The following SLC24A2 variants were observed in gnomAD, a reference collection of about 807,000 sequenced individuals.
SLC24A2 encodes solute carrier family 24 member 2.
Under a neutral mutation model 62.0 loss-of-function variants are expected in SLC24A2, and 36 were observed. The ratio of observed to expected loss-of-function variants is 0.58; its 90% CI spans 0.44 to 0.77. The LOEUF (loss-of-function observed/expected upper bound fraction) is 0.77, where lower values mean the gene tolerates loss of function less well. SLC24A2 is among the 30% of genes least tolerant of loss of function. SLC24A2 has a pLI of 0.00. For synonymous variants in SLC24A2, 358 were observed against 294.0 expected, an observed-to-expected ratio of 1.22 and a Z score of -2.23; for missense variants, 846 against 817.9, an observed-to-expected ratio of 1.03 and a Z score of -0.42.
the SLC24A2 span, among the ~76,000 whole-genome samples, chr9:20,023,183 G>A: frequency 2.6e-5 from 4 of 152,320 alleles, no homozygotes; most frequent in East Asian, 5.8e-4. Flanking sequence ...ATGTGAGTGA[G>A]TACATGGAAA....
the SLC24A2 span, among the ~76,000 whole-genome samples, chr9:19,797,763 G>T: frequency 6.6e-6 from 1 of 152,172 alleles, no homozygotes; most frequent in African/African-American, 2.4e-5. Flanking sequence ...TGATGTCCTA[G>T]AACAACTCTG....
intron 7 of SLC24A2, among the ~76,000 whole-genome samples, chr9:19,553,972 A>G (rs1239666130): frequency 6.6e-6 from 1 of 151,946 alleles, no homozygotes; most frequent in African/African-American, 2.4e-5. Context: ...ACCCAAATTC[A>G]TATGTTGAAG....
At chr9:19,828,021 AT>A in the SLC24A2 span, among the ~76,000 whole-genome samples, 63 of 152,292 alleles carry the variant, frequency 4.1e-4, 1 homozygote, top group African/African-American at 1.5e-3. Context: ...CGAGGGATTA[AT>A]TTTTAACAAC....
At chr9:19,895,806 T>C in the SLC24A2 span, 1 of 1,597,164 alleles carries the variant, frequency 6.3e-7, no homozygotes, top group Middle Eastern at 1.7e-4. Context: ...GTCATCTGCT[T>C]GGGTTGCAGC....
At chr9:20,223,803 C>T in the SLC24A2 span, among the ~76,000 whole-genome samples, 2 of 151,946 alleles carry the variant, frequency 1.3e-5, no homozygotes, top group African/African-American at 2.4e-5. Flanking sequence ...AAATTATGTA[C>T]CTGTATTAGT....
At chr9:20,141,514 A>G in the SLC24A2 span, among the ~76,000 whole-genome samples, 2 of 151,954 alleles carry the variant, frequency 1.3e-5, no homozygotes, top group Admixed American at 1.3e-4. Flanking sequence ...GTCTTCTGCT[A>G]CCAGCTGACG....
the SLC24A2 span, among the ~76,000 whole-genome samples, chr9:20,085,038 T>C: frequency 6.6e-6 from 1 of 152,190 alleles, no homozygotes; most frequent in African/African-American, 2.4e-5. Context: ...CTCTGTCACC[T>C]AGCCTGGAGT....
chr9:19,715,309 C>A (rs765298399), intron 2 of SLC24A2, among the ~76,000 whole-genome samples: 2 of 152,282 alleles, frequency 1.3e-5, no homozygotes, highest in African/African-American at 2.4e-5. Context: ...AGTTGATACA[C>A]TGACAGGCAG....
intron 4 of SLC24A2, among the ~76,000 whole-genome samples, chr9:19,600,124 C>A (rs986908807): frequency 6.6e-6 from 1 of 152,158 alleles, no homozygotes; most frequent in Non-Finnish European, 1.5e-5. Context: ...CCACCTGGTG[C>A]CTCTTCTCTA....
At chr9:20,242,003 T>C in the SLC24A2 span, among the ~76,000 whole-genome samples, 1 of 152,238 alleles carries the variant, frequency 6.6e-6, no homozygotes, top group African/African-American at 2.4e-5. Context: ...TCTAATGACC[T>C]GCCAGCCTCA....
chr9:20,056,191 C>G, the SLC24A2 span, among the ~76,000 whole-genome samples: 5 of 152,020 alleles, frequency 3.3e-5, no homozygotes, highest in Non-Finnish European at 7.4e-5. Flanking sequence ...ATCCATTTTT[C>G]CCAAGAAACA....
At chr9:19,831,778 G>A in the SLC24A2 span, among the ~76,000 whole-genome samples, 1 of 152,170 alleles carries the variant, frequency 6.6e-6, no homozygotes, top group Non-Finnish European at 1.5e-5. Flanking sequence ...CTGAAACAAT[G>A]TTATTGCTTT....
chr9:20,053,274 G>A, the SLC24A2 span, among the ~76,000 whole-genome samples: 1 of 152,064 alleles, frequency 6.6e-6, no homozygotes, highest in African/African-American at 2.4e-5. Context: ...ACTCTGCCTT[G>A]CCTGTGCTAC....
At chr9:20,017,389 T>G in the SLC24A2 span, among the ~76,000 whole-genome samples, 1 of 152,188 alleles carries the variant, frequency 6.6e-6, no homozygotes, top group Non-Finnish European at 1.5e-5. Flanking sequence ...TTTTCTATTT[T>G]TTGGCACAAA....
Position 19,741,415 on chromosome 9 carries a change from T to C in SLC24A2, c.930+44522A>G, listed in dbSNP as rs180735126. ...TCGTCCCAGAGGTTGCATTGCCTTCTCTTCACAGCAGGTGAATTCAATGGC... is the reference window on the plus strand; with the variant it reads ...TCGTCCCAGAGGTTGCATTGCCTTCCCTTCACAGCAGGTGAATTCAATGGC... On this transcript the variant is annotated intron_variant, in intron 2 of 10. Transcript: ENST00000341998. Among the ~76,000 whole-genome samples the C allele has an allele frequency of 2.0e-5, 3 of 152,354 alleles. No homozygotes were observed. The East Asian group carries it at 5.8e-4, about 29-fold the overall frequency.
At chr9:19,916,213 C>T in the SLC24A2 span, among the ~76,000 whole-genome samples, 45 of 152,052 alleles carry the variant, frequency 3.0e-4, no homozygotes, top group South Asian at 8.5e-3. Flanking sequence ...ATTTATTGAC[C>T]ATACATGTAT....
upstream of SLC24A2, among the ~76,000 whole-genome samples, chr9:19,790,929 G>A (rs1411504716): frequency 2.0e-5 from 3 of 152,170 alleles, no homozygotes; most frequent in Admixed American, 1.3e-4. Context: ...CTACAGCTCA[G>A]AGATGACCCT....
intron 2 of SLC24A2, among the ~76,000 whole-genome samples, chr9:19,715,717 A>T (rs545710881): frequency 6.6e-6 from 1 of 152,232 alleles, no homozygotes; most frequent in Non-Finnish European, 1.5e-5. Context: ...TTATAAATGC[A>T]TTCTCTTGAA....
At chr9:19,873,195 T>TCCTCCCTTCCTCCCTC in the SLC24A2 span, among the ~76,000 whole-genome samples, 1 of 151,110 alleles carries the variant, frequency 6.6e-6, no homozygotes, top group African/African-American at 2.4e-5. Flanking sequence ...CTTCCTCCCT[T>TCCTCCCTTCCTCCCTC]CCTCCCTTCC....
Sources: gnomAD v4.1 joint callset for allele counts (sites outside exome capture counted in the v4.1 genomes callset) on GRCh38, gnomAD v4.1.1 for gene constraint, MANE v1.5 for transcripts, NCBI Gene and HGNC (gene_info 2026-07-23, HGNC 2026-07-21) for gene names.